ATAD2B: variants seen among roughly 807,000 people sequenced by gnomAD.
ATAD2B encodes the protein ATPase family AAA domain-containing protein 2B.
ATAD2B carries 40 observed loss-of-function variants against 167.6 expected under a neutral mutation model. That is an observed-to-expected ratio of 0.24 (90% CI 0.19 to 0.31). The LOEUF is 0.31. Ranked by LOEUF, ATAD2B falls within the 10% of genes least tolerant of loss-of-function variation. The pLI, the probability that ATAD2B is intolerant of heterozygous loss-of-function variation, is 1.00. For missense variants in ATAD2B, 1,242 were observed against 1,757.2 expected, an observed-to-expected ratio of 0.71 and a Z score of 5.24; for synonymous variants, 579 against 596.5, an observed-to-expected ratio of 0.97 and a Z score of 0.43.
At chr2:23,804,628 A>G (rs1028518254) in intron 18 of ATAD2B, among the ~76,000 whole-genome samples, 11 of 152,018 alleles carry the variant, frequency 7.2e-5, no homozygotes, top group Admixed American at 6.6e-4. Context: ...GTTAGAATTC[A>G]AAGTTGGCCA....
chr2:23,680,238 G>A, the ATAD2B span, among the ~76,000 whole-genome samples: 1 of 152,304 alleles, frequency 6.6e-6, no homozygotes, highest in South Asian at 2.1e-4. The surrounding 1 kb of genome is among the most constrained non-coding windows in gnomAD (Gnocchi z 4.1). Flanking sequence ...AAAAAGATGG[G>A]ACTTGGTGTG....
intron 1 of ATAD2B, among the ~76,000 whole-genome samples, chr2:23,910,823 G>A (rs1241073622): frequency 4.6e-5 from 7 of 151,976 alleles, no homozygotes; most frequent in African/African-American, 1.4e-4. Context: ...AGCCGGGGTC[G>A]CACCACTGCA....
At chr2:23,717,001 C>T in the ATAD2B span, among the ~76,000 whole-genome samples, 496 of 152,180 alleles carry the variant, frequency 3.3e-3, 3 homozygotes, top group African/African-American at 0.011. Flanking sequence ...AGGATGGAGG[C>T]GAGGATGGAG....
intron 7 of ATAD2B, among the ~76,000 whole-genome samples, chr2:23,878,509 A>G (rs1446483438): frequency 3.3e-5 from 5 of 151,058 alleles, no homozygotes; most frequent in African/African-American, 1.2e-4. Context: ...ACACAAAAAA[A>G]TTAGCCAGGC....
chr2:23,704,698 C>G, the ATAD2B span, among the ~76,000 whole-genome samples: 1 of 152,090 alleles, frequency 6.6e-6, no homozygotes, highest in Admixed American at 6.6e-5. Flanking sequence ...ACCCGGGAGG[C>G]GGAGGTTGCA....
At chr2:23,808,867 T>G (rs1422964760) in intron 18 of ATAD2B, 1 of 152,178 alleles carries the variant, frequency 6.6e-6, no homozygotes, top group Non-Finnish European at 1.5e-5. Flanking sequence ...ATTTTGTATT[T>G]CCCTGAAAGA....
Position 23,757,484 on chromosome 2 carries a change from T to C in ATAD2B, c.4012A>G (p.Ser1338Gly), listed in dbSNP as rs1437371393. The C allele has an allele frequency of 1.9e-6, 3 of 1,544,354 alleles. No homozygotes were observed. The highest frequency in any genetic ancestry group is 2.6e-6 in the Non-Finnish European group (3 of 1,152,006). Residue 1338 changes from serine (S) to glycine (G), a missense_variant, in exon 25 of 28, where the codon AGC (serine) becomes GGC (glycine). By Grantham distance (56) the Ser-to-Gly change is moderately conservative. Transcript: ENST00000238789. ...DLEKLEALECSNNEKLEPGSD... is the reference protein window; with the variant it reads ...DLEKLEALECGNNEKLEPGSD... Reference sequence around the variant, plus strand: ...CCAGGTTCTAACTTCTCATTATTGCTACATTCCAGTGCCTCTAGTTTCTCA... The same window carrying C: ...CCAGGTTCTAACTTCTCATTATTGCCACATTCCAGTGCCTCTAGTTTCTCA...
intron 14 of ATAD2B, among the ~76,000 whole-genome samples, chr2:23,832,036 G>T (rs1689142491): frequency 6.6e-6 from 1 of 152,138 alleles, no homozygotes; most frequent in Admixed American, 6.5e-5. Context: ...AACTGAAACT[G>T]TTCTCATCAG....
At chr2:23,691,827 C>G in the ATAD2B span, 1 of 1,551,454 alleles carries the variant, frequency 6.4e-7, no homozygotes, top group African/African-American at 1.4e-5. Flanking sequence ...TGGAGGCGGC[C>G]AGCAAGTTCC....
At chr2:23,909,231 G>A (rs1331113280) in intron 1 of ATAD2B, among the ~76,000 whole-genome samples, 2 of 152,010 alleles carry the variant, frequency 1.3e-5, no homozygotes, top group Middle Eastern at 3.4e-3. Flanking sequence ...AGATGTGGTG[G>A]CTCACACCTG....
intron 27 of ATAD2B, among the ~76,000 whole-genome samples, chr2:23,752,840 C>T (rs1359756071): frequency 6.6e-6 from 1 of 152,054 alleles, no homozygotes; most frequent in Non-Finnish European, 1.5e-5. Context: ...GAGTGGCTTC[C>T]ATCACTACCA....
At chr2:23,776,568 G>T (rs1468746496) in intron 22 of ATAD2B, among the ~76,000 whole-genome samples, 1 of 152,204 alleles carries the variant, frequency 6.6e-6, no homozygotes, top group Non-Finnish European at 1.5e-5. Flanking sequence ...CTCCTCCACA[G>T]AGGCACTCTA....
chr2:23,823,512 C>T lies in ATAD2B; in HGVS notation c.1877G>A (p.Arg626Gln). The T allele has an allele frequency of 6.2e-7, 1 of 1,613,656 alleles. No homozygotes were observed. The highest frequency in any genetic ancestry group is 8.5e-7 in the Non-Finnish European group (1 of 1,179,894). The change falls in exon 16 of 28, where the codon CGG (arginine) becomes CAG (glutamine). Residue 626 changes from arginine (R) to glutamine (Q), a missense_variant. Arg to Gln is a conservative substitution (Grantham distance 43, BLOSUM62 1). Around this residue, in one of 9 missense-constraint regions of ATAD2B, gnomAD observed 151 missense variants for 284.1 expected, o/e 0.53. Coordinates refer to ENST00000238789, the MANE Select transcript of ATAD2B (RefSeq NM_017552.4). ...LCTEAALIAL[R>Q]RRYPQIYASS... ...AGCATAGATCTGGGGATAACGCCTC[C>T]GCAGTGCAATCAGGGCGGCTTCAGT...
intron 19 of ATAD2B, among the ~76,000 whole-genome samples, chr2:23,792,573 C>A (rs1681925374): frequency 6.7e-6 from 1 of 150,282 alleles, no homozygotes; most frequent in Admixed American, 6.6e-5. Context: ...TTGCTCAAAA[C>A]AAAATAGGAT....
At chr2:23,800,877 T>A (rs976195810) in intron 18 of ATAD2B, among the ~76,000 whole-genome samples, 3 of 152,000 alleles carry the variant, frequency 2.0e-5, no homozygotes, top group African/African-American at 7.2e-5. Flanking sequence ...AAGTCTAAGA[T>A]GAACATGGAA....
chr2:23,768,387 A>T (rs1677773288), intron 22 of ATAD2B, among the ~76,000 whole-genome samples: 1 of 151,972 alleles, frequency 6.6e-6, no homozygotes, highest in Non-Finnish European at 1.5e-5. Context: ...ACTCATTCCC[A>T]TTACCTGCTC....
the ATAD2B span, among the ~76,000 whole-genome samples, chr2:23,709,311 G>A: frequency 1.3e-5 from 2 of 152,088 alleles, no homozygotes; most frequent in Non-Finnish European, 2.9e-5. Flanking sequence ...GAAAGTGCTG[G>A]GATTATAGGC....
downstream of ATAD2B, among the ~76,000 whole-genome samples, chr2:23,748,044 A>G (rs1233077925): frequency 6.6e-6 from 1 of 152,168 alleles, no homozygotes; most frequent in Non-Finnish European, 1.5e-5. Flanking sequence ...GATACAGACA[A>G]AAGTTGAAAT....
chr2:23,739,119 C>T, the ATAD2B span, among the ~76,000 whole-genome samples: 4 of 152,242 alleles, frequency 2.6e-5, no homozygotes, highest in Admixed American at 1.3e-4. Flanking sequence ...TAACACCCCA[C>T]TGTCAACATT....
Sources: allele counts gnomAD v4.1 joint callset (sites outside exome capture counted in the v4.1 genomes callset), GRCh38; gene constraint gnomAD v4.1.1; regional missense constraint gnomAD v4.1.1; non-coding constraint Gnocchi (gnomAD v3.1); transcripts MANE v1.5; gene names NCBI Gene and HGNC (gene_info 2026-07-23, HGNC 2026-07-21).